WNK3: variants seen among roughly 807,000 people sequenced by gnomAD.
WNK3 encodes WNK lysine deficient protein kinase 3.
Under a neutral mutation model 116.7 loss-of-function variants are expected in WNK3, and 18 were observed. The ratio of observed to expected loss-of-function variants is 0.15; its 90% confidence interval spans 0.11 to 0.23. The LOEUF (loss-of-function observed/expected upper bound fraction) is 0.23. WNK3 is among the 10% of genes least tolerant of loss of function. WNK3 has a pLI of 1.00. For synonymous variants in WNK3, 404 were observed against 469.4 expected (o/e 0.86, Z 1.80); for missense variants, 993 against 1,323.8 (o/e 0.75, Z 3.88).
At chrX:54,315,794 G>A (rs1042414139) in intron 2 of WNK3, among the ~76,000 whole-genome samples, 8 of 111,720 alleles carry the variant, frequency 7.2e-5, no homozygotes, top group Non-Finnish European at 1.5e-4. Context: ...CTGAGTCCTT[G>A]ATTTACTCAG....
At chrX:54,308,197 C>T in intron 4 of WNK3, 118 bp from the exon 5 acceptor site, 1 of 527,136 alleles carries the variant, frequency 1.9e-6, no homozygotes, top group African/African-American at 2.5e-5. Flanking sequence ...AAGCAAATTT[C>T]TTTTTTTTTT....
chrX:54,193,678 A>C (rs976705026), exon 24 of WNK3: 1 of 111,486 alleles, frequency 9.0e-6, no homozygotes, highest in African/African-American at 3.3e-5. Flanking sequence ...GATCTTTCAC[A>C]TACAAAGACT....
At chrX:54,292,603 G>A (rs1169291504) in intron 10 of WNK3, among the ~76,000 whole-genome samples, 1 of 108,342 alleles carries the variant, frequency 9.2e-6, no homozygotes, top group Non-Finnish European at 1.9e-5. Context: ...CTACTTGGGA[G>A]GCTGAGGCAG....
chrX:54,252,336 C>G (rs782644411), intron 13 of WNK3, among the ~76,000 whole-genome samples: 3 of 110,570 alleles, frequency 2.7e-5, no homozygotes, highest in Non-Finnish European at 5.7e-5. Flanking sequence ...TGTCCAAACC[C>G]AAAAGCTTTT....
At chrX:54,290,715 T>G (rs2068628827) in intron 10 of WNK3, among the ~76,000 whole-genome samples, 1 of 111,566 alleles carries the variant, frequency 9.0e-6, no homozygotes, top group African/African-American at 3.3e-5. Flanking sequence ...GGAAGTCCCA[T>G]GAGAAAGCTC....
chrX:54,292,706 C>CAAA (rs1180750751), intron 10 of WNK3, among the ~76,000 whole-genome samples, 182 bp downstream of exon 10: 11 of 22,436 alleles, frequency 4.9e-4, no homozygotes, highest in African/African-American at 1.6e-3. Flanking sequence ...CACTCCACCT[C>CAAA]AAAAAAAAAA....
chrX:54,327,482 G>A (rs1326703580), intron 2 of WNK3, among the ~76,000 whole-genome samples: 3 of 111,727 alleles, frequency 2.7e-5, no homozygotes, highest in South Asian at 3.7e-4. Context: ...AGAAGGGAAT[G>A]CCATCAAGAG....
At chrX:54,293,912 C>G (rs1391892982) in intron 8 of WNK3, among the ~76,000 whole-genome samples, 1 of 112,179 alleles carries the variant, frequency 8.9e-6, no homozygotes, top group African/African-American at 3.2e-5. Context: ...CGCGGTGGCT[C>G]ATGCCTACAA....
At chrX:54,201,044 G>A (rs1027751119) in intron 23 of WNK3, among the ~76,000 whole-genome samples, 1 of 111,166 alleles carries the variant, frequency 9.0e-6, no homozygotes, top group Non-Finnish European at 1.9e-5. Context: ...GTACACAAAT[G>A]TAACACACAG....
At chrX:54,266,118 G>A (rs2068308151) in intron 10 of WNK3, among the ~76,000 whole-genome samples, 1 of 112,491 alleles carries the variant, frequency 8.9e-6, no homozygotes, top group Non-Finnish European at 1.9e-5. Context: ...GCACTATGCA[G>A]CAATAAACAA....
rs782639623 is a variant in WNK3 at position 54,232,886 on chromosome X, C to T, written c.4763G>A (p.Arg1588Gln). The T allele has an allele frequency of 1.1e-5, 13 of 1,209,206 alleles. No homozygotes were observed. In the Admixed American group the frequency reaches 1.3e-4, roughly 12 times the overall value. Residue 1588 changes from arginine to glutamine, a missense_variant, in exon 21 of 24, where the codon CGA becomes CAA. Transcript: ENST00000354646. ...AAGTTTGCTTTTGAAAGATCTTGGT[C>T]GACGTGGTGATGCAGGTGGCAAAGG...
intron 10 of WNK3, among the ~76,000 whole-genome samples, chrX:54,270,208 C>A (rs782806901): frequency 4.5e-4 from 50 of 109,933 alleles, no homozygotes; most frequent in African/African-American, 1.6e-3. Flanking sequence ...CAGGTTCAAG[C>A]GATTATCCTG....
intron 22 of WNK3, among the ~76,000 whole-genome samples, chrX:54,203,165 G>A (rs1459089820): frequency 1.8e-5 from 2 of 112,192 alleles, no homozygotes; most frequent in Non-Finnish European, 3.8e-5. Context: ...CATGAGTTGT[G>A]GAGCATAAGA....
intron 1 of WNK3, among the ~76,000 whole-genome samples, chrX:54,347,907 G>A (rs2069458621): frequency 9.2e-6 from 1 of 109,130 alleles, no homozygotes; most frequent in African/African-American, 3.3e-5. Flanking sequence ...AGATTCTTGT[G>A]TATTCCTCCA....
chrX:54,290,730 G>C (rs2068628990), intron 10 of WNK3, among the ~76,000 whole-genome samples: 2 of 111,456 alleles, frequency 1.8e-5, no homozygotes, highest in Admixed American at 9.6e-5. Context: ...AAGCTCAAAG[G>C]ATTTCAGTAT....
At chrX:54,333,029 G>A in intron 2 of WNK3, 108 bp downstream of exon 2, 1 of 559,852 alleles carries the variant, frequency 1.8e-6, no homozygotes, top group Non-Finnish European at 2.8e-6. Flanking sequence ...TGGGGGACAA[G>A]CCCTTTATTT....
rs57109531 is a variant in WNK3, at chrX:54,350,999, A to G, written c.-120+6687T>C. ...ATTACATCTACATACTATTTGTGTT[A>G]AAAAAAAACCCACAAAACTATGTAT... On this transcript the variant is annotated intron_variant, in intron 1 of 23. Transcript: ENST00000354646. Among the ~76,000 whole-genome samples, 8 of 106,300 alleles carry G rather than the reference A, an allele frequency of 7.5e-5. No individual in the cohort carries two copies. In the East Asian group the frequency reaches 2.3e-3, roughly 30 times the overall value. 92.3% of individuals were successfully genotyped at this position (106,300 alleles called of 115,157 possible).
intron 1 of WNK3, among the ~76,000 whole-genome samples, chrX:54,340,615 T>TA (rs77431420): frequency 6.2e-4 from 52 of 83,505 alleles, no homozygotes; most frequent in East Asian, 2.5e-3. Context: ...TGAGTAAAAA[T>TA]AAAAAAAAAA....
intron 17 of WNK3, among the ~76,000 whole-genome samples, chrX:54,242,240 G>C (rs1032712275): frequency 1.8e-5 from 2 of 111,246 alleles, no homozygotes; most frequent in East Asian, 5.6e-4. Context: ...TTTAACCAAG[G>C]AGTGAAAGTC....
Sources: allele counts gnomAD v4.1 joint callset (sites outside exome capture counted in the v4.1 genomes callset), GRCh38; gene constraint gnomAD v4.1.1; transcripts MANE v1.5; gene names NCBI Gene and HGNC (gene_info 2026-07-23, HGNC 2026-07-21).